The following RNF17 variants were observed in gnomAD, a reference collection of about 807,000 sequenced individuals.
The protein encoded by RNF17 is ring finger protein 17, also known as spermatogenesis associated 23.
Under a neutral mutation model 200.5 loss-of-function variants are expected in RNF17, and 31 were observed. The observed-to-expected ratio is 0.15, with a 90% CI of 0.12 to 0.21. The LOEUF (loss-of-function observed/expected upper bound fraction) is 0.21, where lower values mean the gene tolerates loss of function less well. Ranked by LOEUF, RNF17 falls within the 10% of genes least tolerant of loss-of-function variation. The probability of loss-of-function intolerance (pLI) is 1.00; values close to 1 mark genes in which losing one functional copy is unlikely to be tolerated. For synonymous variants in RNF17, 606 were observed against 637.8 expected (o/e 0.95, Z 0.75); for missense variants, 1,628 against 1,905.1 (o/e 0.85, Z 2.71).
At chr13:24,749,307 C>CTTTT in the RNF17 span, among the ~76,000 whole-genome samples, 25,413 of 106,828 alleles carry the variant, frequency 0.24, 4,111 homozygotes, top group Middle Eastern at 0.4. Context: ...TTCTTTCTTT[C>CTTTT]TTTTTTTTTT....
At chr13:24,772,426 A>ATTTTTTTTTTTTTTTTTTTTTT (rs34066913) in intron 2 of RNF17, among the ~76,000 whole-genome samples, 2 of 106,018 alleles carry the variant, frequency 1.9e-5, no homozygotes, top group African/African-American at 3.7e-5. Context: ...TTGAGTCTCC[A>ATTTTTTTTTTTTTTTTTTTTTT]TTTTTTTTTT....
intron 28 of RNF17, 89 bp from the exon 29 acceptor site, chr13:24,864,784 G>A: frequency 1.0e-6 from 1 of 964,310 alleles, no homozygotes; most frequent in Non-Finnish European, 1.6e-6. Flanking sequence ...TACTATGATT[G>A]TCAGAAGCTA....
chr13:24,883,206 C>T (rs1003148931), downstream of RNF17: 5 of 1,613,864 alleles, frequency 3.1e-6, no homozygotes, highest in Non-Finnish European at 3.4e-6. Context: ...AGCACATTAC[C>T]CTCCTTGTCC....
intron 32 of RNF17, among the ~76,000 whole-genome samples, chr13:24,871,634 T>C (rs1018627906): frequency 4.6e-5 from 1 of 21,646 alleles, no homozygotes; most frequent in Admixed American, 3.6e-4. Flanking sequence ...TTGCCCAGCC[T>C]TTTTTTTTTT....
intron 16 of RNF17, among the ~76,000 whole-genome samples, chr13:24,828,045 A>G (rs376339384): frequency 1.4e-4 from 22 of 152,332 alleles, no homozygotes; most frequent in Middle Eastern, 6.8e-3. Flanking sequence ...AGTGATTGCA[A>G]TGAAGATACC....
chr13:24,863,182 C>T (rs1893269722), intron 28 of RNF17, among the ~76,000 whole-genome samples: 2 of 152,124 alleles, frequency 1.3e-5, no homozygotes, highest in African/African-American at 4.8e-5. Context: ...CCTCAAAGCC[C>T]TTATCTGGTT....
At chr13:24,836,698 A>G (rs1450360518) in intron 18 of RNF17, among the ~76,000 whole-genome samples, 1 of 152,200 alleles carries the variant, frequency 6.6e-6, no homozygotes, top group Non-Finnish European at 1.5e-5. Flanking sequence ...TACAAGAACT[A>G]CTAAAATTTT....
chr13:24,884,048 A>G, downstream of RNF17: 1 of 1,613,944 alleles, frequency 6.2e-7, no homozygotes, highest in Non-Finnish European at 8.5e-7. Flanking sequence ...TGGTCAGGAA[A>G]CGTGATTTCT....
intron 13 of RNF17, among the ~76,000 whole-genome samples, chr13:24,801,884 A>C (rs1396369898): frequency 1.3e-5 from 2 of 152,240 alleles, no homozygotes; most frequent in Non-Finnish European, 2.9e-5. Context: ...TTCTAAAGTA[A>C]AACCTTGAGA....
At chr13:24,870,168 G>A (rs1486388530) in intron 31 of RNF17, among the ~76,000 whole-genome samples, 4 of 151,910 alleles carry the variant, frequency 2.6e-5, no homozygotes, top group African/African-American at 7.3e-5. Flanking sequence ...GGATGGTCTC[G>A]ATCTCCTGAC....
chr13:24,867,697 A>T (rs1159236747), intron 30 of RNF17, among the ~76,000 whole-genome samples: 2 of 152,186 alleles, frequency 1.3e-5, no homozygotes, highest in Non-Finnish European at 2.9e-5. Context: ...TATTGCTTGT[A>T]TTTGCAGAAA....
At chr13:24,886,514 CAGT>C in the RNF17 span, 1 of 476,250 alleles carries the variant, frequency 2.1e-6, no homozygotes. Context: ...TCAGAGGGAT[CAGT>C]CTAGGGACTA....
chr13:24,768,392 T>C (rs9511442), intron 2 of RNF17, among the ~76,000 whole-genome samples: 149,685 of 151,570 alleles, frequency 0.99, 73,934 homozygotes, highest in Middle Eastern at 1. Context: ...CCAAGTGATT[T>C]TCCTGCCTCA....
intron 31 of RNF17, among the ~76,000 whole-genome samples, chr13:24,870,145 A>G (rs1234495716): frequency 6.6e-6 from 1 of 151,742 alleles, no homozygotes; most frequent in African/African-American, 2.4e-5. Context: ...ACGAGGTTTC[A>G]CCGTGTTAGC....
At chr13:24,847,125 C>A (rs1361094328) in intron 22 of RNF17, among the ~76,000 whole-genome samples, 1 of 151,746 alleles carries the variant, frequency 6.6e-6, no homozygotes, top group Non-Finnish European at 1.5e-5. Flanking sequence ...ATACAATATA[C>A]CTTAACATTT....
intron 6 of RNF17, among the ~76,000 whole-genome samples, chr13:24,786,798 TTC>T (rs1883164751): frequency 6.6e-6 from 1 of 152,202 alleles, no homozygotes; most frequent in African/African-American, 2.4e-5. Flanking sequence ...GCTTTCAGGA[TTC>T]TCTGTGTCCT....
At chr13:24,885,338 C>T in the RNF17 span, 2 of 1,613,972 alleles carry the variant, frequency 1.2e-6, no homozygotes. Context: ...TCTTTATATT[C>T]AGGATCTGGG....
At chr13:24,848,926 T>C (rs1336804533) in intron 22 of RNF17, among the ~76,000 whole-genome samples, 1 of 152,226 alleles carries the variant, frequency 6.6e-6, no homozygotes, top group Admixed American at 6.5e-5. Flanking sequence ...CTCTCTGGGC[T>C]TTACAATAAG....
At chr13:24,854,872 G>A (rs1892298430) in intron 25 of RNF17, among the ~76,000 whole-genome samples, 1 of 152,138 alleles carries the variant, frequency 6.6e-6, no homozygotes, top group Non-Finnish European at 1.5e-5. Flanking sequence ...ATTAAGATGA[G>A]TAGCCACATA....
Sources: gnomAD v4.1 joint callset for allele counts (sites outside exome capture counted in the v4.1 genomes callset) on GRCh38, gnomAD v4.1.1 for gene constraint, MANE v1.5 for transcripts, NCBI Gene and HGNC (gene_info 2026-07-23, HGNC 2026-07-21) for gene names.